Variants in GAP43 observed in about 807,000 individuals in gnomAD.
GAP43 encodes neuromodulin.
Under a neutral mutation model 18.6 loss-of-function variants are expected in GAP43, and 6 were observed. The ratio of observed to expected loss-of-function variants is 0.32; its 90% CI spans 0.18 to 0.64. GAP43 has a LOEUF of 0.64. Among genes scored for constraint, GAP43 ranks in the 30% least tolerant of loss-of-function variants. The pLI is 0.78. For missense variants in GAP43, 292 were observed against 295.5 expected (o/e 0.99, Z 0.09); for synonymous variants, 115 against 111.4 (o/e 1.03, Z -0.20).
At chr3:115,716,542 T>A (rs1350287007) in intron 2 of GAP43, among the ~76,000 whole-genome samples, 1 of 151,438 alleles carries the variant, frequency 6.6e-6, no homozygotes, top group Non-Finnish European at 1.5e-5. Flanking sequence ...GTTTCCTCCA[T>A]CCATATTTTA....
intron 2 of GAP43, among the ~76,000 whole-genome samples, chr3:115,706,005 TC>T (rs1709358689): frequency 1.3e-5 from 2 of 152,088 alleles, no homozygotes; most frequent in South Asian, 2.1e-4. Context: ...CCATTCTGAT[TC>T]CTTATTCTTC....
chr3:115,714,482 G>T (rs1377598870), intron 2 of GAP43, among the ~76,000 whole-genome samples: 14 of 151,956 alleles, frequency 9.2e-5, no homozygotes. Flanking sequence ...ACTAAATCGT[G>T]GCACAGCAAG....
At chr3:115,629,459 GC>G in intron 1 of GAP43, among the ~76,000 whole-genome samples, 1 of 148,232 alleles carries the variant, frequency 6.7e-6, no homozygotes, top group East Asian at 2.0e-4. Flanking sequence ...AGGCCTTGGT[GC>G]CTTCGCTTGT....
At chr3:115,663,991 G>T in intron 1 of GAP43, 1 of 1,394,962 alleles carries the variant, frequency 7.2e-7, no homozygotes, top group South Asian at 1.3e-5. Context: ...CTAGCTGTAT[G>T]ACTTTGAGCA....
rs1275292741 is a variant in GAP43, at chr3:115,654,913, G to C, written c.31-21100G>C. 5.3e-5 allele frequency among the ~76,000 whole-genome samples: 8 copies of C among 152,270 alleles called. No individual in the cohort carries two copies. The South Asian group carries it at 8.3e-4, about 16-fold the overall frequency. ...ATTACTGAGTGAGGTGATTTTTAAA[G>C]AATATGGAAATTCACGGGGGGCATC... On this transcript the variant is annotated intron_variant, in intron 1 of 2. Transcript: ENST00000305124.
chr3:115,628,958 A>G (rs1173912414), intron 1 of GAP43, among the ~76,000 whole-genome samples: 1 of 152,074 alleles, frequency 6.6e-6, no homozygotes, highest in African/African-American at 2.4e-5. Context: ...ACAAAACCCA[A>G]CTCAGTGTCT....
intron 2 of GAP43, among the ~76,000 whole-genome samples, chr3:115,691,721 G>T (rs532048645): frequency 6.6e-6 from 1 of 152,230 alleles, no homozygotes; most frequent in South Asian, 2.1e-4. Context: ...ATTCTATTTG[G>T]CCTACCTTGT....
chr3:115,700,053 C>T (rs1709277942), intron 2 of GAP43, among the ~76,000 whole-genome samples: 1 of 152,120 alleles, frequency 6.6e-6, no homozygotes, highest in African/African-American at 2.4e-5. Context: ...TTTAACTGTT[C>T]CTTATTTGTC....
chr3:115,707,381 C>G (rs545604802), intron 2 of GAP43, among the ~76,000 whole-genome samples: 1 of 152,220 alleles, frequency 6.6e-6, no homozygotes, highest in African/African-American at 2.4e-5. Flanking sequence ...CCTTGACCTC[C>G]CAGGCTCAAG....
intron 2 of GAP43, among the ~76,000 whole-genome samples, chr3:115,689,368 G>A (rs550233437): frequency 6.6e-6 from 1 of 152,150 alleles, no homozygotes; most frequent in Non-Finnish European, 1.5e-5. Context: ...GCACATAGAA[G>A]GCTCTCAATA....
At chr3:115,689,666 G>A (rs1709079848) in intron 2 of GAP43, among the ~76,000 whole-genome samples, 1 of 152,160 alleles carries the variant, frequency 6.6e-6, no homozygotes, top group African/African-American at 2.4e-5. Context: ...TGGTCAGAAT[G>A]TGAAAAAGGA....
chr3:115,676,541 G>A lies in GAP43; in HGVS notation c.559G>A (p.Ala187Thr), dbSNP rs374340588. The A allele has an allele frequency of 1.2e-6, 2 of 1,613,220 alleles. No individual in the cohort carries two copies. The highest frequency in any genetic ancestry group is 2.7e-5 in the African/African-American group (2 of 74,922). Residue 187 changes from alanine to threonine, a missense_variant, in exon 2 of 3, where the codon GCT becomes ACT. Transcript: ENST00000305124. ...AAATTPAAED[A>T]AAKATAQPPT... ...TGCCACCACCCCTGCCGCAGAGGAT[G>A]CTGCTGCCAAGGCAACAGCCCAGCC...
intron 1 of GAP43, among the ~76,000 whole-genome samples, chr3:115,665,783 A>G (rs1263728845): frequency 6.6e-6 from 1 of 152,156 alleles, no homozygotes. Context: ...TCAAATTATA[A>G]TGATCTTCAG....
intron 2 of GAP43, among the ~76,000 whole-genome samples, chr3:115,699,612 C>G (rs979913913): frequency 1.1e-4 from 16 of 152,124 alleles, no homozygotes; most frequent in Admixed American, 6.6e-5. Flanking sequence ...ATGGAGTTTC[C>G]TTTTGACAGG....
chr3:115,633,444 A>G (rs373986098), intron 1 of GAP43, among the ~76,000 whole-genome samples: 2 of 152,168 alleles, frequency 1.3e-5, no homozygotes, highest in African/African-American at 4.8e-5. Flanking sequence ...ATATATACCT[A>G]TATGTCCACA....
At chr3:115,660,042 T>A (rs1182959474) in intron 1 of GAP43, among the ~76,000 whole-genome samples, 2 of 152,172 alleles carry the variant, frequency 1.3e-5, no homozygotes, top group African/African-American at 4.8e-5. Flanking sequence ...AATGTTTAGC[T>A]TTTTGCTGAA....
At chr3:115,660,662 G>C (rs1183698421) in intron 1 of GAP43, among the ~76,000 whole-genome samples, 2 of 152,198 alleles carry the variant, frequency 1.3e-5, no homozygotes, top group East Asian at 1.9e-4. Context: ...CTCAGAACGG[G>C]TGTGTTTAGT....
intron 1 of GAP43, among the ~76,000 whole-genome samples, chr3:115,661,441 T>C (rs1347076982): frequency 6.6e-6 from 1 of 152,224 alleles, no homozygotes; most frequent in Non-Finnish European, 1.5e-5. Flanking sequence ...GGCTTTGCTT[T>C]GTCAAGCCCA....
intron 1 of GAP43, among the ~76,000 whole-genome samples, chr3:115,638,689 TTCTC>T (rs1341375508): frequency 6.6e-6 from 1 of 151,994 alleles, no homozygotes; most frequent in Non-Finnish European, 1.5e-5. Flanking sequence ...ATTTCATCCT[TTCTC>T]TCTTTCTAAA....
Sources: allele counts gnomAD v4.1 joint callset (sites outside exome capture counted in the v4.1 genomes callset), GRCh38; gene constraint gnomAD v4.1.1; transcripts MANE v1.5; gene names NCBI Gene and HGNC (gene_info 2026-07-23, HGNC 2026-07-21).